NFIA: variants seen among roughly 807,000 people sequenced by gnomAD.
The protein encoded by NFIA is nuclear factor I A, also known as nuclear factor 1 A-type.
In NFIA, 8 loss-of-function variants were observed where a neutral mutation model predicts 62.8. The observed-to-expected ratio is 0.13, with a 90% CI of 0.07 to 0.23. The LOEUF (loss-of-function observed/expected upper bound fraction) is 0.23, where lower values mean the gene tolerates loss of function less well. NFIA is among the 10% of genes least tolerant of loss of function. The pLI is 1.00. For synonymous variants in NFIA, 235 were observed against 238.1 expected, an observed-to-expected ratio of 0.99 and a Z score of 0.12; for missense variants, 410 against 642.1, an observed-to-expected ratio of 0.64 and a Z score of 3.91.
At chr1:61,114,649 G>A (rs1039034849) in intron 2 of NFIA, among the ~76,000 whole-genome samples, 3 of 152,148 alleles carry the variant, frequency 2.0e-5, no homozygotes, top group African/African-American at 7.2e-5. Context: ...ATTGGAAGCT[G>A]AGGTCATGTC....
intron 2 of NFIA, among the ~76,000 whole-genome samples, chr1:61,202,470 A>G (rs1652572539): frequency 6.6e-6 from 1 of 152,192 alleles, no homozygotes; most frequent in South Asian, 2.1e-4. Context: ...ATTTATTGCA[A>G]ATAATTCTGT....
chr1:61,088,408 C>T lies in NFIA; in HGVS notation c.287C>T (p.Thr96Ile), dbSNP rs141631517. 1.9e-6 allele frequency: 3 copies of T among 1,613,738 alleles called. No individual in the cohort carries two copies. Among genetic ancestry groups the T allele is most frequent in the South Asian group, 1.1e-5 (1 of 91,068 alleles). Residue 96 changes from threonine (T) to isoleucine (I), a missense_variant, in exon 2 of 11, where the codon ACA (threonine) becomes ATA (isoleucine). Thr to Ile is a moderately conservative substitution (Grantham distance 89, BLOSUM62 -1). Around this residue, in one of 3 missense-constraint regions of NFIA, gnomAD observed 86 missense variants for 124.6 expected, o/e 0.69. Transcript: ENST00000403491. The surrounding 1 kb of genome is among the most constrained non-coding windows in gnomAD (Gnocchi z 4.5). ...EYREDFVLTV[T>I]GKKPPCCVLS... is the part of the protein sequence containing the mutation. Reference sequence around the variant, plus strand: ...CGAGAGGATTTTGTTCTTACAGTTACAGGGAAAAAACCTCCATGTTGTGTT... The same window carrying T: ...CGAGAGGATTTTGTTCTTACAGTTATAGGGAAAAAACCTCCATGTTGTGTT...
chr1:61,239,699 G>A (rs973565895), intron 2 of NFIA, among the ~76,000 whole-genome samples: 1 of 152,092 alleles, frequency 6.6e-6, no homozygotes, highest in Middle Eastern at 3.2e-3. Flanking sequence ...CAAATGCTAT[G>A]TCTTTAAACA....
chr1:61,243,138 T>C (rs1655445604), intron 2 of NFIA, among the ~76,000 whole-genome samples: 1 of 152,162 alleles, frequency 6.6e-6, no homozygotes, highest in Non-Finnish European at 1.5e-5. Context: ...ATTCAATAGG[T>C]AAAACCAAAT....
chr1:61,197,113 A>G (rs182642688), intron 2 of NFIA, among the ~76,000 whole-genome samples: 28 of 152,264 alleles, frequency 1.8e-4, no homozygotes, highest in Admixed American at 2.6e-4. Flanking sequence ...CGAAGAGATA[A>G]GAGTTTGGAC....
intron 3 of NFIA, among the ~76,000 whole-genome samples, chr1:61,283,241 A>C (rs1658245395): frequency 6.6e-6 from 1 of 152,050 alleles, no homozygotes; most frequent in African/African-American, 2.4e-5. Context: ...AATGTTTACG[A>C]AATAAGTTTT....
At chr1:61,402,346 C>T (rs758604072) in intron 7 of NFIA, among the ~76,000 whole-genome samples, 70 of 152,146 alleles carry the variant, frequency 4.6e-4, no homozygotes, top group Non-Finnish European at 7.9e-4. Context: ...CCAGTTTTAC[C>T]GATTTTTCTA....
At chr1:61,110,956 A>G (rs1646685180) in intron 2 of NFIA, among the ~76,000 whole-genome samples, 1 of 152,158 alleles carries the variant, frequency 6.6e-6, no homozygotes, top group Non-Finnish European at 1.5e-5. Context: ...GAAACTTACA[A>G]GTTTGCAATC....
intron 2 of NFIA, among the ~76,000 whole-genome samples, chr1:61,096,197 A>G (rs1242507085): frequency 1.3e-5 from 2 of 152,162 alleles, no homozygotes; most frequent in Non-Finnish European, 2.9e-5. Context: ...AAATTAGTGA[A>G]TTAGTGAGCT....
intron 1 of NFIA, among the ~76,000 whole-genome samples, chr1:61,083,436 G>C (rs1359014882): frequency 1.3e-5 from 2 of 152,100 alleles, no homozygotes; most frequent in African/African-American, 4.8e-5. Flanking sequence ...TTCGGGGTCC[G>C]GCCGCGGAAA....
At chr1:61,111,901 A>G (rs1378495215) in intron 2 of NFIA, among the ~76,000 whole-genome samples, 1 of 152,178 alleles carries the variant, frequency 6.6e-6, no homozygotes, top group African/African-American at 2.4e-5. Flanking sequence ...TTGTAAAGAC[A>G]TGAAAGTGAT....
At chr1:61,390,600 G>C (rs1257983157) in intron 7 of NFIA, among the ~76,000 whole-genome samples, 1 of 152,130 alleles carries the variant, frequency 6.6e-6, no homozygotes, top group Non-Finnish European at 1.5e-5. Context: ...CTCCCAGTTT[G>C]GCCAAGAAAA....
intron 6 of NFIA, among the ~76,000 whole-genome samples, chr1:61,361,821 GTGTGT>G (rs1349304939): frequency 2.5e-5 from 3 of 119,670 alleles, no homozygotes; most frequent in African/African-American, 9.1e-5. Context: ...GTGTGTGTGT[GTGTGT>G]ACGTACACAT....
intron 2 of NFIA, among the ~76,000 whole-genome samples, chr1:61,141,500 C>A (rs1250096144): frequency 2.0e-5 from 3 of 152,140 alleles, no homozygotes; most frequent in Admixed American, 1.3e-4. Context: ...TGTTAACAGC[C>A]CTTGAAGGGG....
intron 4 of NFIA, among the ~76,000 whole-genome samples, chr1:61,339,844 TC>T (rs1661806225): frequency 6.6e-6 from 1 of 152,142 alleles, no homozygotes; most frequent in South Asian, 2.1e-4. Context: ...GGTGAGAGTA[TC>T]CCCACCCTTA....
At chr1:61,162,426 G>A (rs1649275954) in intron 2 of NFIA, among the ~76,000 whole-genome samples, 1 of 152,190 alleles carries the variant, frequency 6.6e-6, no homozygotes, top group African/African-American at 2.4e-5. Flanking sequence ...AATGTGAAAA[G>A]ACAGAGTTAT....
intron 6 of NFIA, among the ~76,000 whole-genome samples, chr1:61,361,782 GGTGTGTGTGTGT>G (rs61410878): frequency 0.11 from 15,896 of 142,214 alleles, 988 homozygotes; most frequent in Non-Finnish European, 0.14. Flanking sequence ...TTTGGTAAGA[GGTGTGTGTGTGT>G]GTGTGTGTGT....
intron 3 of NFIA, among the ~76,000 whole-genome samples, chr1:61,331,220 A>G (rs1240713941): frequency 1.3e-5 from 2 of 152,188 alleles, no homozygotes; most frequent in African/African-American, 4.8e-5. Flanking sequence ...ACCATAGATT[A>G]TGTGTTTGAT....
intron 2 of NFIA, among the ~76,000 whole-genome samples, chr1:61,211,029 G>C (rs1653219750): frequency 6.6e-6 from 1 of 152,204 alleles, no homozygotes; most frequent in South Asian, 2.1e-4. Flanking sequence ...TAAGAAAATA[G>C]ATTGCAAGGA....
Sources: allele counts gnomAD v4.1 joint callset (sites outside exome capture counted in the v4.1 genomes callset), GRCh38; gene constraint gnomAD v4.1.1; regional missense constraint gnomAD v4.1.1; non-coding constraint Gnocchi (gnomAD v3.1); transcripts MANE v1.5; gene names NCBI Gene and HGNC (gene_info 2026-07-23, HGNC 2026-07-21).